SLC2A9: variants seen among roughly 807,000 people sequenced by gnomAD.
The protein encoded by SLC2A9 is solute carrier family 2 member 9.
In SLC2A9, 39 loss-of-function variants were observed where a neutral mutation model predicts 50.6. That is an observed-to-expected ratio of 0.77 (90% CI 0.60 to 1.01). The LOEUF (loss-of-function observed/expected upper bound fraction) is 1.01. SLC2A9 is among the 50% of genes least tolerant of loss of function. The pLI is 0.00. For missense variants in SLC2A9, 686 were observed against 677.6 expected (o/e 1.01, Z -0.14); for synonymous variants, 324 against 276.9 (o/e 1.17, Z -1.69).
At chr4:9,921,177 T>C (rs1302596810) in intron 6 of SLC2A9, among the ~76,000 whole-genome samples, 1 of 152,136 alleles carries the variant, frequency 6.6e-6, no homozygotes, top group Admixed American at 6.5e-5. Context: ...TCCTCTGAAA[T>C]ACAAGAAAAC....
At chr4:9,982,179 C>A (rs1247024194) in intron 4 of SLC2A9, among the ~76,000 whole-genome samples, 1 of 152,234 alleles carries the variant, frequency 6.6e-6, no homozygotes, top group Admixed American at 6.5e-5. Context: ...TGCGCCCGGA[C>A]CGGCTTTAAA....
intron 7 of SLC2A9, among the ~76,000 whole-genome samples, chr4:9,917,077 GC>G (rs1205689065): frequency 1.3e-5 from 2 of 152,210 alleles, no homozygotes; most frequent in Non-Finnish European, 2.9e-5. Flanking sequence ...AAAGCCAGGA[GC>G]CTCTTTCACA....
intron 5 of SLC2A9, among the ~76,000 whole-genome samples, chr4:9,948,615 G>A (rs914795725): frequency 6.6e-6 from 1 of 152,200 alleles, no homozygotes; most frequent in Non-Finnish European, 1.5e-5. Flanking sequence ...TGCATCCAAT[G>A]GCTGACTGAT....
intron 2 of SLC2A9, among the ~76,000 whole-genome samples, chr4:10,014,715 T>A (rs977104943): frequency 6.6e-6 from 1 of 152,182 alleles, no homozygotes; most frequent in Non-Finnish European, 1.5e-5. Context: ...GGTGATTATT[T>A]ATTGAGCCTC....
intron 3 of SLC2A9, among the ~76,000 whole-genome samples, chr4:9,787,657 C>G (rs1719394781): frequency 6.6e-6 from 1 of 152,204 alleles, no homozygotes; most frequent in Non-Finnish European, 1.5e-5. Flanking sequence ...ATTTAGCTGT[C>G]CCCTCTAATT....
chr4:9,879,954 T>C (rs1032964645), intron 10 of SLC2A9: 11 of 985,324 alleles, frequency 1.1e-5, no homozygotes, highest in Non-Finnish European at 1.3e-5. Context: ...CCTTGTCAAG[T>C]CTTCTTACAT....
intron 9 of SLC2A9, 100 bp downstream of exon 9, chr4:9,890,510 T>C (rs964082338): frequency 9.2e-7 from 1 of 1,091,800 alleles, no homozygotes; most frequent in Admixed American, 1.9e-5. Flanking sequence ...AAGTGTTTTC[T>C]GTAGAAGTAT....
chr4:10,005,669 A>G (rs1560475343), intron 2 of SLC2A9, among the ~76,000 whole-genome samples: 3 of 152,234 alleles, frequency 2.0e-5, no homozygotes, highest in Admixed American at 1.3e-4. Context: ...ACTGCAAACA[A>G]CTGAATAAAA....
chr4:9,983,291 C>T (rs1477242785), intron 4 of SLC2A9, among the ~76,000 whole-genome samples: 1 of 152,244 alleles, frequency 6.6e-6, no homozygotes, highest in African/African-American at 2.4e-5. Flanking sequence ...TACCCCCTCC[C>T]TGGATCGACA....
chr4:9,933,582 C>T (rs1560332996), intron 6 of SLC2A9, among the ~76,000 whole-genome samples: 1 of 152,186 alleles, frequency 6.6e-6, no homozygotes, highest in Non-Finnish European at 1.5e-5. Context: ...ATCTATAAAG[C>T]AAAAGGTAGA....
chr4:10,016,214 G>A (rs35271694), intron 2 of SLC2A9, among the ~76,000 whole-genome samples: 12,320 of 152,304 alleles, frequency 0.081, 901 homozygotes, highest in East Asian at 0.39. Context: ...GCCTAACACT[G>A]CCTGGCACAG....
chr4:9,834,973 G>A lies in SLC2A9; in HGVS notation c.1327C>T (p.Gln443Ter). 2 of 1,613,896 alleles carry A rather than the reference G, an allele frequency of 1.2e-6. No individual in the cohort carries two copies. Among genetic ancestry groups the A allele is most frequent in the Non-Finnish European group, 1.7e-6 (2 of 1,180,006 alleles). The change falls in exon 11 of 12, where the codon CAG (glutamine) becomes TAG (stop). Residue 443 changes from glutamine to a stop codon, truncating the protein, a stop_gained. Transcript: ENST00000264784. LOFTEE classifies it high-confidence loss of function. Reference protein sequence around the residue: ...IPFILTGEFFQQSQRPAAFII... With the variant: ...IPFILTGEFF ...AAGGCAGCCGGCCGCTGAGATTGCTGGAAGAACTCACCAGTCAAGATGAAC... is the reference window on the plus strand; with the variant it reads ...AAGGCAGCCGGCCGCTGAGATTGCTAGAAGAACTCACCAGTCAAGATGAAC...
chr4:9,980,691 G>C lies in SLC2A9; in HGVS notation c.582C>G (p.Pro194=), dbSNP rs1560428114. 1.9e-6 allele frequency: 3 copies of C among 1,614,126 alleles called. No homozygotes were observed. The highest frequency in any genetic ancestry group is 2.5e-6 in the Non-Finnish European group (3 of 1,180,014). Residue 194 remains proline (P), a synonymous_variant, in exon 5 of 12, where the codon CCC becomes CCG. Coordinates refer to ENST00000264784, the MANE Select transcript of SLC2A9 (RefSeq NM_020041.3). ...VLPMYLSEIS[P]KEIRGSLGQV... ...GCCCCAGAGAGCCACGGATCTCCTTGGGTGAGATCTCACTAAGGTACATGG... is the reference window on the plus strand; with the variant it reads ...GCCCCAGAGAGCCACGGATCTCCTTCGGTGAGATCTCACTAAGGTACATGG...
chr4:9,886,298 C>T (rs1448058713), intron 10 of SLC2A9, among the ~76,000 whole-genome samples: 1 of 152,234 alleles, frequency 6.6e-6, no homozygotes, highest in African/African-American at 2.4e-5. Flanking sequence ...GAAGACTAAA[C>T]ACATTTACTC....
intron 5 of SLC2A9, among the ~76,000 whole-genome samples, chr4:9,963,557 TCTGTGAGAGAGGAGTA>T (rs1752608668): frequency 6.6e-6 from 1 of 152,032 alleles, no homozygotes; most frequent in African/African-American, 2.4e-5. Context: ...ACAAAGCAAG[TCTGTGAGAGAGGAGTA>T]CTGTTTGTGG....
chr4:9,899,905 G>A (rs1316512212), intron 8 of SLC2A9, among the ~76,000 whole-genome samples: 1 of 152,180 alleles, frequency 6.6e-6, no homozygotes, highest in Non-Finnish European at 1.5e-5. Flanking sequence ...CTCCACTTGG[G>A]TCACTTTACA....
intron 2 of SLC2A9, among the ~76,000 whole-genome samples, chr4:9,999,311 T>G (rs988962658): frequency 6.6e-6 from 1 of 152,140 alleles, no homozygotes; most frequent in Non-Finnish European, 1.5e-5. Context: ...ATCCTCCCGC[T>G]GCAGCCTCCC....
intron 7 of SLC2A9, among the ~76,000 whole-genome samples, chr4:9,918,971 A>G (rs1455156339): frequency 6.6e-6 from 1 of 152,102 alleles, no homozygotes; most frequent in Non-Finnish European, 1.5e-5. Context: ...CAGGTACACC[A>G]TAGAGGAATT....
chr4:9,803,068 A>G (rs1721674129), intron 3 of SLC2A9, among the ~76,000 whole-genome samples: 1 of 152,138 alleles, frequency 6.6e-6, no homozygotes, highest in African/African-American at 2.4e-5. Context: ...TTGGCCTGGG[A>G]ATTGGAAGGT....
Sources: gnomAD v4.1 joint callset for allele counts (sites outside exome capture counted in the v4.1 genomes callset) on GRCh38, gnomAD v4.1.1 for gene constraint, MANE v1.5 for transcripts, NCBI Gene and HGNC (gene_info 2026-07-23, HGNC 2026-07-21) for gene names.